The following ZNF254 variants were observed in gnomAD, a reference collection of about 807,000 sequenced individuals.
The protein encoded by ZNF254 is zinc finger protein 254.
Under a neutral mutation model 12.4 loss-of-function variants are expected in ZNF254, and 10 were observed. The observed-to-expected ratio is 0.80, with a 90% CI of 0.50 to 1.36. The LOEUF (loss-of-function observed/expected upper bound fraction) is 1.36, where lower values mean the gene tolerates loss of function less well. Among genes scored for constraint, ZNF254 ranks in the 40% most tolerant of loss-of-function variants. ZNF254 has a pLI of 0.00. For missense variants in ZNF254, 996 were observed against 763.9 expected (o/e 1.30, Z -3.58); for synonymous variants, 305 against 253.4 (o/e 1.20, Z -1.93).
chr19:24,068,324 A>G (rs1181311065), intron 2 of ZNF254, among the ~76,000 whole-genome samples: 2 of 151,038 alleles, frequency 1.3e-5, no homozygotes, highest in Non-Finnish European at 2.9e-5. Flanking sequence ...TTTTTGAGGC[A>G]GAGTCTCACT....
rs199800160 is a variant in ZNF254 at position 24,076,532 on chromosome 19, G to A, written c.-93-29408G>A. Among the ~76,000 whole-genome samples, 23 of 152,222 alleles carry A rather than the reference G, an allele frequency of 1.5e-4. No individual in the cohort carries two copies. In the East Asian group the frequency reaches 4.2e-3, roughly 28 times the overall value. On this transcript the variant is annotated intron_variant, in intron 2 of 4. Transcript: ENST00000613065. The stretch of plus-strand genomic sequence containing the variant: ...TGTGACTAAGAATGCCTAACCTGGG[G>A]TTGCAGCCCAGTAGGTCTCAGCCTC...
At chr19:24,085,007 A>G (rs1971974100), upstream of ZNF254, among the ~76,000 whole-genome samples, 1 of 144,684 alleles carries the variant, frequency 6.9e-6, no homozygotes, top group Admixed American at 7.3e-5. Context: ...ATCTTGGCTC[A>G]CTTCAACCTC....
chr19:24,106,430 T>A (rs1432120467), intron 2 of ZNF254, 118 bp from the exon 3 acceptor site: 2 of 733,992 alleles, frequency 2.7e-6, no homozygotes, highest in East Asian at 8.7e-5. Context: ...TGTTATAAAT[T>A]AGTGTATTAG....
In ZNF254 at chr19:24,127,101, A is replaced by G. The variant is rs141723721; in HGVS notation, c.1101A>G (p.Thr367=). ...KAFSQSSTLT[T]HKIIHTGEKR... ...TTAGCCAGTCCTCAACCCTTACTAC[A>G]CATAAGATAATTCATACTGGAGAGA... Residue 367 remains threonine (T), a synonymous_variant, in exon 4 of 4, where the codon ACA becomes ACG. Transcript: ENST00000357002. The G allele has an allele frequency of 5.2e-4, 839 of 1,613,642 alleles. 4 individuals carry two copies. In the African/African-American group the frequency reaches 0.01, roughly 20 times the overall value.
chr19:24,119,645 T>A (rs1040372446), intron 3 of ZNF254, among the ~76,000 whole-genome samples: 1 of 152,114 alleles, frequency 6.6e-6, no homozygotes, highest in Non-Finnish European at 1.5e-5. Context: ...TGTAGCTTCA[T>A]GTCCTCCCAG....
intron 2 of ZNF254, among the ~76,000 whole-genome samples, chr19:24,074,970 G>A (rs905026153): frequency 2.0e-5 from 3 of 152,190 alleles, no homozygotes; most frequent in Non-Finnish European, 4.4e-5. Context: ...TATGGCTTGG[G>A]CTCTGCCCAA....
intron 1 of ZNF254, among the ~76,000 whole-genome samples, chr19:24,091,409 T>A (rs1336072883): frequency 6.6e-6 from 1 of 152,188 alleles, no homozygotes; most frequent in Non-Finnish European, 1.5e-5. Flanking sequence ...GTTAAATAGA[T>A]TCCTGAAAAC....
Position 24,126,319 on chromosome 19 carries a change from G to C in ZNF254, c.319G>C (p.Ala107Pro), listed in dbSNP as rs367742870. Residue 107 changes from alanine (A) to proline (P), a missense_variant, in exon 4 of 4, where the codon GCA becomes CCA. By Grantham distance (27) the Ala-to-Pro change is conservative. Transcript: ENST00000357002. ...GGGCATGGAAGATTCTTTTCAAAAA[G>C]CAATACTGAGAAGATATGGAAAATA... ...EQGMEDSFQK[A>P]ILRRYGKYGH... 3.8e-6 allele frequency: 6 copies of C among 1,597,064 alleles called. No individual in the cohort carries two copies. In the South Asian group the frequency reaches 4.6e-5, roughly 12 times the overall value.
At chr19:24,033,665 G>A in intron 1 of ZNF254, 1 of 333,542 alleles carries the variant, frequency 3.0e-6, no homozygotes, top group African/African-American at 2.2e-5. Context: ...AGAGCGGGCT[G>A]TGAAACCGGC....
intron 1 of ZNF254, among the ~76,000 whole-genome samples, chr19:24,090,898 GAGTTT>G (rs1233982569): frequency 6.7e-6 from 1 of 149,496 alleles, no homozygotes; most frequent in Non-Finnish European, 1.5e-5. Flanking sequence ...TTCTCAGAGT[GAGTTT>G]AGGAAGTTTC....
At chr19:24,069,132 G>A (rs911879630) in intron 2 of ZNF254, among the ~76,000 whole-genome samples, 10 of 151,794 alleles carry the variant, frequency 6.6e-5, no homozygotes, top group African/African-American at 1.9e-4. Context: ...TCAGCCTCCC[G>A]AGTAGCTGGG....
intron 1 of ZNF254, among the ~76,000 whole-genome samples, chr19:24,101,333 A>G (rs1973013914): frequency 6.6e-6 from 1 of 152,224 alleles, no homozygotes; most frequent in Non-Finnish European, 1.5e-5. Context: ...TAGATTGAGA[A>G]TGTACAGAAA....
chr19:24,060,153 T>C (rs2145397933), intron 2 of ZNF254, among the ~76,000 whole-genome samples: 1 of 152,304 alleles, frequency 6.6e-6, no homozygotes, highest in Middle Eastern at 3.4e-3. Flanking sequence ...CTGGTTTCAA[T>C]ACCCAGGTGA....
chr19:24,045,596 A>T (rs1157550931), intron 1 of ZNF254, among the ~76,000 whole-genome samples: 2 of 149,652 alleles, frequency 1.3e-5, no homozygotes, highest in Non-Finnish European at 3.0e-5. Flanking sequence ...TGACCCCGGG[A>T]CGCGGAGGTT....
At chr19:24,098,622 A>G (rs1972810714) in intron 1 of ZNF254, 1 of 152,176 alleles carries the variant, frequency 6.6e-6, no homozygotes, top group Non-Finnish European at 1.5e-5. Context: ...TTTTTAGAGG[A>G]ATATTTTCTG....
chr19:24,116,033 T>C (rs1974044984), intron 3 of ZNF254, among the ~76,000 whole-genome samples: 1 of 152,200 alleles, frequency 6.6e-6, no homozygotes, highest in Admixed American at 6.5e-5. Flanking sequence ...CCCCACTCTC[T>C]TCTGGCTTGT....
intron 3 of ZNF254, among the ~76,000 whole-genome samples, chr19:24,116,098 G>A (rs141281082): frequency 1.3e-5 from 2 of 152,164 alleles, no homozygotes; most frequent in Admixed American, 6.6e-5. Flanking sequence ...TTTGTGGGTA[G>A]TCCGACCTTT....
chr19:24,046,373 T>TATATATATATATATATATATA (rs1555750839), intron 2 of ZNF254: 1,235 of 95,060 alleles, frequency 0.013, 45 homozygotes, highest in Non-Finnish European at 0.017. Context: ...TTATTATTTT[T>TATATATATATATATATATATA]TATATATATA....
intron 3 of ZNF254, among the ~76,000 whole-genome samples, chr19:24,108,586 C>T (rs1174019302): frequency 6.6e-6 from 1 of 152,144 alleles, no homozygotes; most frequent in Non-Finnish European, 1.5e-5. Flanking sequence ...CTTTCATGTA[C>T]CATGTAGCTG....
Sources: gnomAD v4.1 joint callset for allele counts (sites outside exome capture counted in the v4.1 genomes callset) on GRCh38, gnomAD v4.1.1 for gene constraint, MANE v1.5 for transcripts, NCBI Gene and HGNC (gene_info 2026-07-23, HGNC 2026-07-21) for gene names.